CARD14: variants seen among roughly 807,000 people sequenced by gnomAD.
CARD14 encodes caspase recruitment domain family member 14.
CARD14 carries 107 observed loss-of-function variants against 111.5 expected under a neutral mutation model. The ratio of observed to expected loss-of-function variants is 0.96; its 90% confidence interval spans 0.82 to 1.13. The LOEUF (loss-of-function observed/expected upper bound fraction) is 1.13, where lower values mean the gene tolerates loss of function less well. CARD14 is among the 50% of genes most tolerant of loss of function. The pLI is 0.00. For missense variants in CARD14, 1,322 were observed against 1,362.3 expected, an observed-to-expected ratio of 0.97 and a Z score of 0.47; for synonymous variants, 617 against 579.6, an observed-to-expected ratio of 1.06 and a Z score of -0.93.
chr17:80,190,840 A>G lies in CARD14; in HGVS notation c.1030A>G (p.Arg344Gly), dbSNP rs748309740. The change falls in exon 10 of 24, where the codon AGG becomes GGG. Residue 344 changes from arginine to glycine, a missense_variant. Arg to Gly is a moderately radical substitution (Grantham distance 125, BLOSUM62 -2). Transcript: ENST00000648509. ...GAGTAAGATGGCCTGCCAACTCTAC[A>G]GGGAGAAGGTGAATGCGCTGCAGGC... ...QKSKMACQLY[R>G]EKVNALQAQV... is the part of the protein sequence containing the mutation. The G allele has an allele frequency of 1.9e-6, 3 of 1,614,106 alleles. No homozygotes were observed. Among genetic ancestry groups the G allele is most frequent in the East Asian group, 4.5e-5 (2 of 44,868 alleles).
chr17:80,173,553 C>T (rs897107498), intron 2 of CARD14, among the ~76,000 whole-genome samples: 2 of 151,728 alleles, frequency 1.3e-5, no homozygotes, highest in Non-Finnish European at 2.9e-5. Flanking sequence ...TTTTTATGTA[C>T]TGCTCCTTGA....
At position 80,195,324 on chromosome 17, in the gene CARD14, G is replaced by A; in HGVS notation, c.1490G>A (p.Trp497Ter). 1 of 1,611,144 alleles carries A rather than the reference G, an allele frequency of 6.2e-7. No individual in the cohort carries two copies. Among genetic ancestry groups the A allele is most frequent in the African/African-American group, 1.3e-5 (1 of 75,024 alleles). ...GCCGAGGACTTCGGGGAAGAACCCT[G>A]GTCTTTCAGGTAGAGCACTGGGGTC... ...RVAEDFGEEP[W>*]SFSSCLEIPE... Residue 497 changes from tryptophan (W) to a stop codon, truncating the protein, a stop_gained, in exon 13 of 24, where the codon TGG becomes TAG. Transcript: ENST00000648509. LOFTEE classifies it high-confidence loss of function. This position sits in a 1 kb window ranked among gnomAD's most constrained non-coding sequence, Gnocchi z 4.7.
intron 2 of CARD14, among the ~76,000 whole-genome samples, chr17:80,176,600 AC>A (rs141634481): frequency 2.1e-3 from 319 of 152,274 alleles, no homozygotes; most frequent in African/African-American, 7.4e-3. Flanking sequence ...ACCTTTAGCT[AC>A]CATCCTGACA....
intron 16 of CARD14, among the ~76,000 whole-genome samples, chr17:80,199,572 A>AAAAG (rs1359963844): frequency 3.3e-5 from 5 of 149,770 alleles, no homozygotes; most frequent in African/African-American, 4.9e-5. Context: ...AAAAAAAAAA[A>AAAAG]AAAAAAAAAG....
Position 80,179,103 on chromosome 17 carries a change from G to A in CARD14, c.-218-1G>A, listed in dbSNP as rs2144124281. 6.6e-6 allele frequency: 1 copy of A among 152,270 alleles called. No homozygotes were observed. The highest frequency in any genetic ancestry group is 2.1e-4 in the South Asian group (1 of 4,832). The allele number at this position is 152,270 out of a possible 1,614,324, so 9.4% of individuals were successfully genotyped here. On this transcript the variant is annotated splice_acceptor_variant, in intron 3 of 23. Transcript: ENST00000648509. LOFTEE classifies it low-confidence loss of function (5UTR_SPLICE). The stretch of plus-strand genomic sequence containing the variant: ...TTGCTCTGATTTTCAAGTATTTTTA[G>A]CATACAGATCCCTGCAAGAGGCATC...
intron 14 of CARD14, 125 bp from the exon 15 acceptor site, chr17:80,197,969 GTTACA>G: frequency 2.4e-6 from 2 of 829,742 alleles, no homozygotes; most frequent in South Asian, 1.4e-5. Flanking sequence ...GTTACAGGAG[GTTACA>G]GGACGCCCCA....
intron 7 of CARD14, among the ~76,000 whole-genome samples, chr17:80,185,442 A>G (rs2144202622): frequency 6.6e-6 from 1 of 152,310 alleles, no homozygotes; most frequent in African/African-American, 2.4e-5. Flanking sequence ...TTTAAATCAC[A>G]CAAATAAAAA....
chr17:80,183,331 C>T (rs997764485), intron 6 of CARD14, among the ~76,000 whole-genome samples: 3 of 152,218 alleles, frequency 2.0e-5, no homozygotes, highest in Non-Finnish European at 4.4e-5. Flanking sequence ...AGGACTCACA[C>T]GACCCAAAAC....
In CARD14 at chr17:80,201,758, C is replaced by T; in HGVS notation, c.1866C>T (p.Ala622=). 1.9e-6 allele frequency: 3 copies of T among 1,614,074 alleles called. No individual in the cohort carries two copies. The highest frequency in any genetic ancestry group is 2.5e-6 in the Non-Finnish European group (3 of 1,179,984). The part of the protein sequence containing the change: ...GTQIVMVDYE[A]SEPLFKAVLE... ...CTTGCCCTCAGGTTGATTACGAAGC[C>T]TCAGAGCCCTTGTTCAAGGCAGTCC... Residue 622 remains alanine (A), a synonymous_variant, in exon 17 of 24, where the codon GCC becomes GCT. Coordinates refer to ENST00000648509, the MANE Select transcript of CARD14 (RefSeq NM_001366385.1). This position sits in a 1 kb window ranked among gnomAD's most constrained non-coding sequence, Gnocchi z 5.0.
chr17:80,170,121 G>T (rs2039859625), intron 1 of CARD14, 65 bp downstream of exon 1: 1 of 152,244 alleles, frequency 6.6e-6, no homozygotes, highest in Non-Finnish European at 1.5e-5. Context: ...CCTACGGAGG[G>T]GCTCAGCCGA....
chr17:80,198,508 C>T lies in CARD14; in HGVS notation c.1768C>T (p.Leu590Phe). ...GCAGATCAGCGTCATCGGCGGGAAC[C>T]TCACGGGCATCTTCATCCACCGGGT... The part of the protein sequence containing the change: ...LEQISVIGGN[L>F]TGIFIHRVTP... Residue 590 changes from leucine to phenylalanine, a missense_variant, in exon 16 of 24, where the codon CTC becomes TTC. By Grantham distance (22) the Leu-to-Phe change is conservative. Transcript: ENST00000648509. The surrounding 1 kb of genome is among the most constrained non-coding windows in gnomAD (Gnocchi z 7.5). 1 of 1,613,274 alleles carries T rather than the reference C, an allele frequency of 6.2e-7. No individual in the cohort carries two copies. Among genetic ancestry groups the T allele is most frequent in the Non-Finnish European group, 8.5e-7 (1 of 1,179,934 alleles).
chr17:80,205,195 G>A lies in CARD14; in HGVS notation c.2559G>A (p.Lys853=), dbSNP rs757431534. Residue 853 remains lysine (K), a synonymous_variant, in exon 21 of 24, where the codon AAG becomes AAA. Transcript: ENST00000648509. ...EKLCLLQGFK[K]CLAEYLSQEE... ...TGTGCCTCCTCCAAGGGTTTAAGAA[G>A]TGCCTGGCAGGTATGCTGTTGCCTG... is the stretch of plus-strand genomic sequence containing the variant. The A allele has an allele frequency of 1.2e-6, 2 of 1,612,268 alleles. No individual in the cohort carries two copies. Among genetic ancestry groups the A allele is most frequent in the South Asian group, 1.1e-5 (1 of 90,924 alleles).
chr17:80,201,618 C>A lies in CARD14; in HGVS notation c.1852-126C>A. 1 of 934,130 alleles carries A rather than the reference C, an allele frequency of 1.1e-6. No homozygotes were observed. Among genetic ancestry groups the A allele is most frequent in the Non-Finnish European group, 1.7e-6 (1 of 579,350 alleles). 57.9% of individuals were successfully genotyped at this position (934,130 alleles called of 1,614,324 possible). ...GTGTGTGGCTTTGTTTTGACCAAGG[C>A]GTGCAGGCAGTGGTCCTACGGCAGG... On this transcript the variant is annotated intron_variant, in intron 16 of 23. Coordinates refer to ENST00000648509, the MANE Select transcript of CARD14 (RefSeq NM_001366385.1). This position sits in a 1 kb window ranked among gnomAD's most constrained non-coding sequence, Gnocchi z 5.0.
At position 80,198,482 on chromosome 17, in the gene CARD14, A is replaced by G; in HGVS notation, c.1742A>G (p.Glu581Gly). The change falls in exon 16 of 24, where the codon GAG (glutamate) becomes GGG (glycine). Residue 581 changes from glutamate to glycine, a missense_variant. Glu to Gly is a moderately conservative substitution (Grantham distance 98). Transcript: ENST00000648509. The surrounding 1 kb of genome is among the most constrained non-coding windows in gnomAD (Gnocchi z 7.5). The stretch of plus-strand genomic sequence containing the variant: ...GCGTTCCAGGGGGATGCATTGCTGG[A>G]GCAGATCAGCGTCATCGGCGGGAAC... Reference protein sequence around the residue: ...MLAFQGDALLEQISVIGGNLT... With the variant: ...MLAFQGDALLGQISVIGGNLT... The G allele has an allele frequency of 6.2e-7, 1 of 1,613,468 alleles. No homozygotes were observed. Among genetic ancestry groups the G allele is most frequent in the Non-Finnish European group, 8.5e-7 (1 of 1,179,818 alleles).
At chr17:80,190,169 G>T (rs1056530753) in intron 9 of CARD14, among the ~76,000 whole-genome samples, 1 of 152,118 alleles carries the variant, frequency 6.6e-6, no homozygotes, top group Non-Finnish European at 1.5e-5. Flanking sequence ...GAAAGGAGAC[G>T]GTAGAAGAGA....
At chr17:80,200,386 G>A (rs546108842) in intron 16 of CARD14, among the ~76,000 whole-genome samples, 11 of 151,780 alleles carry the variant, frequency 7.2e-5, no homozygotes, top group Admixed American at 1.3e-4. Flanking sequence ...ACAGGTGCCC[G>A]CCACCACACC....
At position 80,189,941 on chromosome 17, in the gene CARD14, G is replaced by A; in HGVS notation, c.963+69G>A. The A allele has an allele frequency of 6.6e-7, 1 of 1,525,636 alleles. No individual in the cohort carries two copies. Among genetic ancestry groups the A allele is most frequent in the Non-Finnish European group, 8.7e-7 (1 of 1,149,932 alleles). The allele number at this position is 1,525,636 out of a possible 1,614,324, so 94.5% of individuals were successfully genotyped here. On this transcript the variant is annotated intron_variant, in intron 9 of 23. Transcript: ENST00000648509. This position sits in a 1 kb window ranked among gnomAD's most constrained non-coding sequence, Gnocchi z 4.7. The stretch of plus-strand genomic sequence containing the variant: ...GTCTCAGGGGTGCGGACAGGTCTGT[G>A]GGGAAGCCAGATTCCTTCATCCACG...
chr17:80,193,964 G>A (rs1460313417), intron 12 of CARD14, among the ~76,000 whole-genome samples: 2 of 152,064 alleles, frequency 1.3e-5, no homozygotes, highest in African/African-American at 2.4e-5. Flanking sequence ...GAACTGGCTC[G>A]CCAGAACACA....
intron 22 of CARD14, among the ~76,000 whole-genome samples, chr17:80,206,203 G>A (rs1048172411): frequency 7.2e-5 from 11 of 152,210 alleles, no homozygotes; most frequent in Non-Finnish European, 1.5e-4. Flanking sequence ...TGGGGCTCAC[G>A]CCTGTCATCC....
Sources: gnomAD v4.1 joint callset for allele counts (sites outside exome capture counted in the v4.1 genomes callset) on GRCh38, gnomAD v4.1.1 for gene constraint, Gnocchi (gnomAD v3.1) non-coding constraint, MANE v1.5 for transcripts, NCBI Gene and HGNC (gene_info 2026-07-23, HGNC 2026-07-21) for gene names.